Variants in KIF6 observed in about 807,000 individuals in gnomAD.
The protein encoded by KIF6 is kinesin family member 6.
In KIF6, 106 loss-of-function variants were observed where a neutral mutation model predicts 112.7. The observed-to-expected ratio is 0.94, with a 90% CI of 0.80 to 1.11. The LOEUF (loss-of-function observed/expected upper bound fraction) is 1.11, where lower values mean the gene tolerates loss of function less well. Ranked by LOEUF, KIF6 falls within the 50% of genes least tolerant of loss-of-function variation. The pLI, the probability that KIF6 is intolerant of heterozygous loss-of-function variation, is 0.00. For synonymous variants in KIF6, 339 were observed against 339.9 expected, an observed-to-expected ratio of 1.00 and a Z score of 0.03; for missense variants, 929 against 964.0, an observed-to-expected ratio of 0.96 and a Z score of 0.48.
intron 5 of KIF6, among the ~76,000 whole-genome samples, chr6:39,630,847 A>G (rs577613792): frequency 1.3e-5 from 2 of 152,108 alleles, no homozygotes; most frequent in African/African-American, 2.4e-5. Flanking sequence ...AACATTTCCT[A>G]CATTTCTAGT....
chr6:39,534,721 G>C (rs2150551190), intron 13 of KIF6, among the ~76,000 whole-genome samples: 1 of 152,268 alleles, frequency 6.6e-6, no homozygotes, highest in East Asian at 1.9e-4. Context: ...ATGCCACAAA[G>C]ATACTCCTCA....
intron 10 of KIF6, chr6:39,554,467 A>C (rs1215600726): frequency 1.3e-5 from 2 of 159,382 alleles, no homozygotes; most frequent in African/African-American, 4.8e-5. Context: ...CTGGCCCTCC[A>C]TCTCTGCCCA....
At chr6:39,600,352 T>C (rs935373457) in intron 6 of KIF6, among the ~76,000 whole-genome samples, 2 of 152,162 alleles carry the variant, frequency 1.3e-5, no homozygotes, top group African/African-American at 4.8e-5. Flanking sequence ...TGTATATCAC[T>C]GTGTTAGGCA....
chr6:39,389,914 C>T (rs1424742760), intron 15 of KIF6, among the ~76,000 whole-genome samples: 1 of 151,620 alleles, frequency 6.6e-6, no homozygotes, highest in Non-Finnish European at 1.5e-5. Flanking sequence ...ACCTGTAATC[C>T]CAGCTACTTG....
intron 13 of KIF6, among the ~76,000 whole-genome samples, chr6:39,470,083 G>C (rs1033692836): frequency 6.6e-6 from 1 of 152,104 alleles, no homozygotes; most frequent in African/African-American, 2.4e-5. Context: ...AATATAAAAG[G>C]ATCAAGATCA....
chr6:39,347,976 T>C (rs892006265), intron 19 of KIF6, among the ~76,000 whole-genome samples: 16 of 152,242 alleles, frequency 1.1e-4, no homozygotes, highest in Non-Finnish European at 1.5e-4. Context: ...ATCCCTGTGC[T>C]GGGTCTAGTG....
At chr6:39,636,237 A>C (rs1056063732) in intron 4 of KIF6, among the ~76,000 whole-genome samples, 3 of 152,096 alleles carry the variant, frequency 2.0e-5, no homozygotes, top group Admixed American at 6.6e-5. Flanking sequence ...CCAATTATCC[A>C]AATAAAGATA....
chr6:39,578,410 G>A (rs1420230456), intron 9 of KIF6, among the ~76,000 whole-genome samples: 1 of 143,244 alleles, frequency 7.0e-6, no homozygotes, highest in Non-Finnish European at 1.5e-5. Context: ...TTGGCTCACT[G>A]CAACCTCCGC....
chr6:39,712,658 T>C (rs1443512566), intron 3 of KIF6, among the ~76,000 whole-genome samples: 4 of 150,796 alleles, frequency 2.7e-5, no homozygotes, highest in African/African-American at 9.8e-5. Context: ...AGGTCAGGAG[T>C]TCAAGACCAG....
chr6:39,529,502 C>T (rs1454848338), intron 13 of KIF6, among the ~76,000 whole-genome samples: 2 of 152,090 alleles, frequency 1.3e-5, no homozygotes, highest in African/African-American at 4.8e-5. Context: ...AAATGGGTGA[C>T]CTGGCCAGGC....
At chr6:39,398,311 C>T (rs1471935943) in intron 15 of KIF6, among the ~76,000 whole-genome samples, 1 of 152,158 alleles carries the variant, frequency 6.6e-6, no homozygotes, top group Non-Finnish European at 1.5e-5. Context: ...TAATGTACAT[C>T]CCAGAGCACA....
chr6:39,478,619 T>C (rs1774596263), intron 13 of KIF6, among the ~76,000 whole-genome samples: 1 of 152,162 alleles, frequency 6.6e-6, no homozygotes, highest in African/African-American at 2.4e-5. Context: ...GCCGCACTGT[T>C]TTCCATGGTG....
intron 5 of KIF6, among the ~76,000 whole-genome samples, chr6:39,619,529 T>A (rs1397470344): frequency 6.6e-6 from 1 of 152,168 alleles, no homozygotes. Context: ...GGATGCATAG[T>A]GACAATGAGG....
intron 3 of KIF6, among the ~76,000 whole-genome samples, chr6:39,645,548 T>C (rs1484030285): frequency 6.6e-6 from 1 of 152,106 alleles, no homozygotes; most frequent in Non-Finnish European, 1.5e-5. Flanking sequence ...TGCTGCTGGA[T>C]TCGGTTTGCC....
chr6:39,601,682 A>G (rs1017872148), intron 6 of KIF6, among the ~76,000 whole-genome samples: 1 of 150,290 alleles, frequency 6.7e-6, no homozygotes, highest in South Asian at 2.1e-4. Context: ...GATTTGCTCC[A>G]GCCCTTACAT....
intron 13 of KIF6, among the ~76,000 whole-genome samples, chr6:39,442,500 T>G (rs1771978041): frequency 6.6e-6 from 1 of 152,108 alleles, no homozygotes; most frequent in South Asian, 2.1e-4. Context: ...AGGCACTGAG[T>G]TTGGAAAGCC....
rs1582152279 is a variant in KIF6, at chr6:39,567,538, T to C, written c.1181+10518A>G. On this transcript the variant is annotated intron_variant, in intron 10 of 22. Coordinates refer to ENST00000287152, the MANE Select transcript of KIF6 (RefSeq NM_145027.6). ...AGTATTTCCAGTAATTCCTCAGTCATTCATCCTCATGAACTGAAATCCACA... is the reference window on the plus strand; with the variant it reads ...AGTATTTCCAGTAATTCCTCAGTCACTCATCCTCATGAACTGAAATCCACA... Among the ~76,000 whole-genome samples, 6 of 152,342 alleles carry C rather than the reference T, an allele frequency of 3.9e-5. No homozygotes were observed. In the South Asian group the frequency reaches 1.2e-3, roughly 32 times the overall value.
chr6:39,532,145 C>T (rs890961846), intron 13 of KIF6, among the ~76,000 whole-genome samples: 13 of 152,096 alleles, frequency 8.5e-5, no homozygotes, highest in African/African-American at 2.7e-4. Flanking sequence ...CTTCTGTAAT[C>T]GATTGTTCAG....
intron 3 of KIF6, among the ~76,000 whole-genome samples, chr6:39,652,242 T>C (rs1785509754): frequency 1.3e-5 from 2 of 152,114 alleles, no homozygotes; most frequent in African/African-American, 4.8e-5. Context: ...AAAAAATCTT[T>C]AGTCTTGCCA....
Sources: gnomAD v4.1 joint callset for allele counts (sites outside exome capture counted in the v4.1 genomes callset) on GRCh38, gnomAD v4.1.1 for gene constraint, MANE v1.5 for transcripts, NCBI Gene and HGNC (gene_info 2026-07-23, HGNC 2026-07-21) for gene names.